SNX29: variants seen among roughly 807,000 people sequenced by gnomAD.
SNX29 encodes sorting nexin-29.
In SNX29, 78 loss-of-function variants were observed where a neutral mutation model predicts 102.1. That is an observed-to-expected ratio of 0.76 (90% CI 0.64 to 0.92). The LOEUF is 0.92. Ranked by LOEUF, SNX29 falls within the 40% of genes least tolerant of loss-of-function variation. The probability of loss-of-function intolerance (pLI) is 0.00; values close to 1 mark genes in which losing one functional copy is unlikely to be tolerated. For missense variants in SNX29, 1,280 were observed against 1,061.7 expected (o/e 1.21, Z -2.86); for synonymous variants, 580 against 414.5 (o/e 1.40, Z -4.85).
chr16:12,064,258 C>T (rs985059018), intron 9 of SNX29, among the ~76,000 whole-genome samples: 1 of 152,176 alleles, frequency 6.6e-6, no homozygotes, highest in African/African-American at 2.4e-5. Flanking sequence ...CATCAGACAT[C>T]CGGGTCTCCT....
intron 8 of SNX29, chr16:12,060,686 G>T (rs1485092492): frequency 2.1e-5 from 9 of 437,294 alleles, no homozygotes; most frequent in Admixed American, 2.0e-4. Context: ...GCAGATACTG[G>T]GGGACGGCTA....
intron 19 of SNX29, among the ~76,000 whole-genome samples, chr16:12,521,760 G>T (rs1283780317): frequency 6.6e-6 from 1 of 152,168 alleles, no homozygotes; most frequent in African/African-American, 2.4e-5. Flanking sequence ...GTTTAATGGC[G>T]GGTTGAAACT....
intron 15 of SNX29, among the ~76,000 whole-genome samples, chr16:12,352,362 G>A (rs2082013376): frequency 1.3e-5 from 2 of 150,682 alleles, no homozygotes; most frequent in Admixed American, 1.3e-4. Flanking sequence ...ACCGGGGACT[G>A]TTGTGCGGTG....
chr16:12,062,303 C>T (rs1424385626), intron 9 of SNX29, among the ~76,000 whole-genome samples: 3 of 151,526 alleles, frequency 2.0e-5, no homozygotes, highest in Non-Finnish European at 4.4e-5. Flanking sequence ...TGCTTGAACC[C>T]GGGAGGTGGA....
At chr16:12,214,947 T>C (rs781059104) in intron 14 of SNX29, among the ~76,000 whole-genome samples, 2 of 152,136 alleles carry the variant, frequency 1.3e-5, no homozygotes, top group Non-Finnish European at 2.9e-5. Flanking sequence ...GTCATGAGAG[T>C]AGGGACTGAG....
intron 16 of SNX29, among the ~76,000 whole-genome samples, chr16:12,389,021 T>G (rs2083434201): frequency 6.6e-6 from 1 of 152,202 alleles, no homozygotes; most frequent in South Asian, 2.1e-4. Flanking sequence ...TATCTCTCAG[T>G]GCTATTAAAT....
At chr16:12,553,432 C>T (rs1004508214) in intron 20 of SNX29, among the ~76,000 whole-genome samples, 2 of 152,162 alleles carry the variant, frequency 1.3e-5, no homozygotes, top group Non-Finnish European at 1.5e-5. Context: ...TGACACACTC[C>T]AACCTGCTGA....
intron 20 of SNX29, among the ~76,000 whole-genome samples, chr16:12,538,743 C>A (rs1567672862): frequency 1.3e-5 from 2 of 152,024 alleles, no homozygotes; most frequent in South Asian, 2.1e-4. Flanking sequence ...AGAAGCACAC[C>A]CATATGGGTA....
At chr16:12,304,675 G>A (rs1309448669) in intron 15 of SNX29, among the ~76,000 whole-genome samples, 1 of 152,150 alleles carries the variant, frequency 6.6e-6, no homozygotes, top group Non-Finnish European at 1.5e-5. Context: ...TTACAGGTGT[G>A]AGCCACCACA....
At chr16:12,184,232 C>T (rs895091270) in intron 13 of SNX29, among the ~76,000 whole-genome samples, 6 of 152,184 alleles carry the variant, frequency 3.9e-5, no homozygotes, top group African/African-American at 1.4e-4. Flanking sequence ...GGTTCATATT[C>T]ACGGTTCCCT....
chr16:12,390,022 G>T (rs932221939), intron 16 of SNX29, among the ~76,000 whole-genome samples: 1 of 152,192 alleles, frequency 6.6e-6, no homozygotes, highest in African/African-American at 2.4e-5. Flanking sequence ...TATATTGGTA[G>T]CTTCAGCCTG....
intron 20 of SNX29, among the ~76,000 whole-genome samples, chr16:12,559,240 C>T (rs753215325): frequency 6.6e-5 from 10 of 152,040 alleles, no homozygotes; most frequent in East Asian, 1.9e-4. Context: ...CCCCATCACT[C>T]GCATCACCGC....
intron 11 of SNX29, among the ~76,000 whole-genome samples, chr16:12,083,657 A>G (rs1227921853): frequency 1.3e-5 from 2 of 152,216 alleles, no homozygotes; most frequent in African/African-American, 4.8e-5. Flanking sequence ...GAGTTGTCCC[A>G]GGAGTGAGTG....
intron 18 of SNX29, among the ~76,000 whole-genome samples, chr16:12,440,558 C>A (rs533041352): frequency 9.2e-5 from 14 of 152,220 alleles, no homozygotes; most frequent in Admixed American, 2.0e-4. Flanking sequence ...AAGCCGAGTC[C>A]TCATTAGTTA....
chr16:12,070,448 A>T (rs1009415438), intron 10 of SNX29, among the ~76,000 whole-genome samples: 3 of 150,708 alleles, frequency 2.0e-5, no homozygotes, highest in Non-Finnish European at 2.9e-5. Flanking sequence ...TGTCCTTGCG[A>T]TAGTTTACCG....
intron 20 of SNX29, among the ~76,000 whole-genome samples, chr16:12,525,065 T>G (rs1160273405): frequency 2.6e-5 from 4 of 152,112 alleles, no homozygotes; most frequent in African/African-American, 9.7e-5. Flanking sequence ...TGAGCATTGT[T>G]GACTTGAGGC....
At chr16:12,385,741 C>T (rs775644873) in intron 16 of SNX29, among the ~76,000 whole-genome samples, 24 of 152,238 alleles carry the variant, frequency 1.6e-4, no homozygotes, top group Non-Finnish European at 2.5e-4. Context: ...CATAGAGTGA[C>T]AGAAAGACCT....
intron 15 of SNX29, among the ~76,000 whole-genome samples, chr16:12,281,744 T>G (rs1396903169): frequency 6.6e-6 from 1 of 152,036 alleles, no homozygotes; most frequent in Non-Finnish European, 1.5e-5. Flanking sequence ...TTGGGAAGTT[T>G]AGTAACTTTC....
chr16:12,432,650 G>C lies in SNX29; in HGVS notation c.2037+29121G>C, dbSNP rs192173131. Among the ~76,000 whole-genome samples, 7 of 152,340 alleles carry C rather than the reference G, an allele frequency of 4.6e-5. No homozygotes were observed. In the East Asian group the frequency reaches 1.4e-3, roughly 29 times the overall value. On this transcript the variant is annotated intron_variant, in intron 18 of 20. Transcript: ENST00000566228. The stretch of plus-strand genomic sequence containing the variant: ...TCCTGTAGGCCCAGGGGCAGACCCT[G>C]CCTTAACTGTGATGTCCGAGTACAG...
Sources: allele counts gnomAD v4.1 joint callset (sites outside exome capture counted in the v4.1 genomes callset), GRCh38; gene constraint gnomAD v4.1.1; transcripts MANE v1.5; gene names NCBI Gene and HGNC (gene_info 2026-07-23, HGNC 2026-07-21).